SNX29: variants seen among roughly 807,000 people sequenced by gnomAD.
SNX29 encodes the protein sorting nexin-29.
In SNX29, 78 loss-of-function variants were observed where a neutral mutation model predicts 102.1. That is an observed-to-expected ratio of 0.76 (90% confidence interval 0.64 to 0.92). SNX29 has a LOEUF of 0.92. Among genes scored for constraint, SNX29 ranks in the 40% least tolerant of loss-of-function variants. The pLI is 0.00. For synonymous variants in SNX29, 580 were observed against 414.5 expected (o/e 1.40, Z -4.85); for missense variants, 1,280 against 1,061.7 (o/e 1.21, Z -2.86).
chr16:12,538,114 CCTTGCATTTTTTT>C (rs1381326901), intron 20 of SNX29, among the ~76,000 whole-genome samples: 2 of 124,982 alleles, frequency 1.6e-5, no homozygotes, highest in East Asian at 6.0e-4. Flanking sequence ...CTGCATTTCC[CCTTGCATTTTTTT>C]ATTTTTGAGA....
intron 18 of SNX29, among the ~76,000 whole-genome samples, chr16:12,426,206 A>T (rs933344792): frequency 3.9e-5 from 6 of 152,116 alleles, no homozygotes; most frequent in African/African-American, 1.4e-4. Context: ...CAGTAAGTTT[A>T]TTATTCATCT....
chr16:12,423,329 T>G (rs2084939699), intron 18 of SNX29, among the ~76,000 whole-genome samples: 1 of 152,090 alleles, frequency 6.6e-6, no homozygotes, highest in South Asian at 2.1e-4. Context: ...ACAGACCGTC[T>G]CTACCCACTG....
Position 12,573,823 on chromosome 16 carries a change from AT to A in SNX29, c.*5199del. 4.6e-6 allele frequency: 1 copy of A among 216,490 alleles called. No homozygotes were observed. The highest frequency in any genetic ancestry group is 9.3e-6 in the Non-Finnish European group (1 of 107,614). 13.4% of individuals were successfully genotyped at this position (216,490 alleles called of 1,614,324 possible). Reference sequence around the variant, plus strand: ...GGGGATGGGGGTAGAGCTAATTGGAATTTTTATTATCCAGGACTCATCCTAA... The same window carrying A: ...GGGGATGGGGGTAGAGCTAATTGGAATTTTATTATCCAGGACTCATCCTAA... On this transcript the variant is annotated 3_prime_UTR_variant, in exon 21 of 21. Coordinates refer to ENST00000566228, the MANE Select transcript of SNX29 (RefSeq NM_032167.5).
intron 10 of SNX29, among the ~76,000 whole-genome samples, chr16:12,072,719 A>T (rs2051359403): frequency 6.6e-6 from 1 of 151,926 alleles, no homozygotes; most frequent in Non-Finnish European, 1.5e-5. Context: ...TTTTCTATTG[A>T]TTGGAATAGT....
At chr16:12,267,245 A>AGTGTGT (rs59796551) in intron 14 of SNX29, among the ~76,000 whole-genome samples, 58 of 150,254 alleles carry the variant, frequency 3.9e-4, no homozygotes, top group Non-Finnish European at 4.5e-4. Context: ...CATGGGTGCG[A>AGTGTGT]GTGTGTGTGT....
chr16:12,290,349 C>A (rs958844627), intron 15 of SNX29, among the ~76,000 whole-genome samples: 1 of 152,166 alleles, frequency 6.6e-6, no homozygotes, highest in South Asian at 2.1e-4. Flanking sequence ...TTTTATGAAC[C>A]CTTTCCTGTC....
intron 13 of SNX29, among the ~76,000 whole-genome samples, chr16:12,159,133 C>T (rs1001447501): frequency 2.0e-5 from 3 of 152,224 alleles, no homozygotes; most frequent in East Asian, 3.9e-4. Context: ...CTACTGAGGA[C>T]ACCCGTCTAA....
intron 5 of SNX29, among the ~76,000 whole-genome samples, chr16:12,045,173 A>G (rs1369637389): frequency 6.6e-6 from 1 of 152,234 alleles, no homozygotes; most frequent in African/African-American, 2.4e-5. Context: ...TTGTACGTCT[A>G]CTAACATTTT....
rs1189594374 is a variant in SNX29 at position 12,409,631 on chromosome 16, G to C, written c.2037+6102G>C. Reference sequence around the variant, plus strand: ...TTTTTAGTAGAGACGGTGTTTCACCGTGTTAGCCAGGATGGTCTCAATGAG... The same window carrying C: ...TTTTTAGTAGAGACGGTGTTTCACCCTGTTAGCCAGGATGGTCTCAATGAG... On this transcript the variant is annotated intron_variant, in intron 18 of 20. Coordinates refer to ENST00000566228, the MANE Select transcript of SNX29 (RefSeq NM_032167.5). Among the ~76,000 whole-genome samples the C allele has an allele frequency of 2.0e-5, 3 of 151,806 alleles. No individual in the cohort carries two copies. In the East Asian group the frequency reaches 5.8e-4, roughly 29 times the overall value.
rs116153462 is a variant in SNX29, at chr16:12,542,350, G to C, written c.2318+17509G>C. 5.3e-5 allele frequency among the ~76,000 whole-genome samples: 8 copies of C among 152,136 alleles called. No homozygotes were observed. In the South Asian group the frequency reaches 1.0e-3, roughly 20 times the overall value. ...GTTAGAGCAAGAGATTGTCTCAAAAGAAAAAGTTAGACCCAAGTTCTATCA... is the reference window on the plus strand; with the variant it reads ...GTTAGAGCAAGAGATTGTCTCAAAACAAAAAGTTAGACCCAAGTTCTATCA... On this transcript the variant is annotated intron_variant, in intron 20 of 20. Transcript: ENST00000566228.
At chr16:12,126,479 G>A (rs541910330) in intron 11 of SNX29, among the ~76,000 whole-genome samples, 154 bp from the exon 12 acceptor site, 1 of 152,344 alleles carries the variant, frequency 6.6e-6, no homozygotes, top group South Asian at 2.1e-4. Context: ...CTGATCAGCC[G>A]AGTCTCTTAG....
intron 16 of SNX29, among the ~76,000 whole-genome samples, chr16:12,380,999 A>AC (rs2083099368): frequency 3.7e-5 from 1 of 27,276 alleles, no homozygotes. Flanking sequence ...CCACCCACCC[A>AC]CCATCCATCC....
chr16:12,548,390 A>G (rs1161411601), intron 20 of SNX29, among the ~76,000 whole-genome samples: 1 of 152,178 alleles, frequency 6.6e-6, no homozygotes, highest in Admixed American at 6.5e-5. Flanking sequence ...ACACCTTCTA[A>G]GGTCTCCTTT....
intron 14 of SNX29, among the ~76,000 whole-genome samples, chr16:12,205,535 C>T (rs963804036): frequency 9.9e-5 from 15 of 152,176 alleles, no homozygotes; most frequent in Non-Finnish European, 4.4e-5. Context: ...TTAGGCTGAT[C>T]CTCAAACATG....
intron 13 of SNX29, among the ~76,000 whole-genome samples, chr16:12,139,492 A>G (rs908483092): frequency 5.3e-5 from 8 of 152,192 alleles, no homozygotes. Flanking sequence ...AGTGACTGTC[A>G]CTTGGTATGA....
intron 15 of SNX29, among the ~76,000 whole-genome samples, chr16:12,338,953 AG>A (rs1261768779): frequency 6.6e-6 from 1 of 152,176 alleles, no homozygotes; most frequent in Non-Finnish European, 1.5e-5. Flanking sequence ...CCAGATTAGG[AG>A]TGTCACATGG....
At chr16:12,229,593 G>C (rs2077711501) in intron 14 of SNX29, among the ~76,000 whole-genome samples, 1 of 150,798 alleles carries the variant, frequency 6.6e-6, no homozygotes, top group East Asian at 1.9e-4. Context: ...TTTGAAGAAT[G>C]GTGGGGTTTT....
At chr16:12,218,393 T>G (rs57764081) in intron 14 of SNX29, among the ~76,000 whole-genome samples, 10,550 of 152,232 alleles carry the variant, frequency 0.069, 564 homozygotes, top group South Asian at 0.29. Flanking sequence ...ATGTCAGGAG[T>G]TGGGAAACCA....
rs1054637303 is a variant in SNX29 at position 12,573,679 on chromosome 16, G to A, written c.*5050G>A. The A allele has an allele frequency of 4.5e-6, 1 of 223,264 alleles. No individual in the cohort carries two copies. Among genetic ancestry groups the A allele is most frequent in the Non-Finnish European group, 9.0e-6 (1 of 111,722 alleles). 13.8% of individuals were successfully genotyped at this position (223,264 alleles called of 1,614,324 possible). On this transcript the variant is annotated 3_prime_UTR_variant, in exon 21 of 21. Transcript: ENST00000566228. Reference sequence around the variant, plus strand: ...CACTGTCAGTGTAGGTAAGACAGAGGATGCCCTTGCAAAAATTGGGACTGA... The same window carrying A: ...CACTGTCAGTGTAGGTAAGACAGAGAATGCCCTTGCAAAAATTGGGACTGA...
Sources: allele counts gnomAD v4.1 joint callset (sites outside exome capture counted in the v4.1 genomes callset), GRCh38; gene constraint gnomAD v4.1.1; transcripts MANE v1.5; gene names NCBI Gene and HGNC (gene_info 2026-07-23, HGNC 2026-07-21).